The following CLDN15 variants were observed in gnomAD, a reference collection of about 807,000 sequenced individuals.
CLDN15 encodes claudin 15, also known as claudin-15.
A neutral mutation model predicts 24.5 loss-of-function variants in CLDN15; 9 were observed. That is an observed-to-expected ratio of 0.37 (90% CI 0.22 to 0.64). The LOEUF (loss-of-function observed/expected upper bound fraction) is 0.64, where lower values mean the gene tolerates loss of function less well. Ranked by LOEUF, CLDN15 falls within the 30% of genes least tolerant of loss-of-function variation. The pLI, the probability that CLDN15 is intolerant of heterozygous loss-of-function variation, is 0.63. For missense variants in CLDN15, 248 were observed against 305.9 expected (o/e 0.81, Z 1.41); for synonymous variants, 149 against 131.4 (o/e 1.13, Z -0.92).
Position 101,232,316 on chromosome 7 carries a change from CCGG to C in CLDN15, c.*91_*93del, listed in dbSNP as rs1168028090. 8.1e-5 allele frequency: 70 copies of C among 869,476 alleles called. No homozygotes were observed. In the Middle Eastern group the frequency reaches 1.7e-3, roughly 21 times the overall value. The allele number at this position is 869,476 out of a possible 1,614,324, so 53.9% of individuals were successfully genotyped here. ...GCGGGGCTACGGGAGCGGGGCGTGG[CCGG>C]CCCCTGAGGTTACTATAGGGGAATG... On this transcript the variant is annotated 3_prime_UTR_variant, in exon 5 of 5. Transcript: ENST00000308344.
chr7:101,235,251 A>G (rs1306775438), intron 1 of CLDN15, among the ~76,000 whole-genome samples: 1 of 152,206 alleles, frequency 6.6e-6, no homozygotes, highest in African/African-American at 2.4e-5. Flanking sequence ...GGTGCTGTAC[A>G]GCAGAGGGCC....
At chr7:101,232,741 G>C (rs1303387585) in intron 3 of CLDN15, 21 bp from the exon 4 acceptor site, 2 of 1,589,240 alleles carry the variant, frequency 1.3e-6, no homozygotes, top group South Asian at 2.2e-5. Flanking sequence ...GGGCGGCGCG[G>C]GGGCGGGGGA....
chr7:101,234,270 C>G lies in CLDN15; in HGVS notation c.382+8G>C. ...GGGACCCCCGCCCCATCACCTTCCCCCAGTTACCGGCCAGAATGTGGAGGG... is the reference window on the plus strand; with the variant it reads ...GGGACCCCCGCCCCATCACCTTCCCGCAGTTACCGGCCAGAATGTGGAGGG... On this transcript the variant is annotated splice_region_variant and intron_variant, in intron 2 of 4. Transcript: ENST00000308344. 6.2e-7 allele frequency: 1 copy of G among 1,600,620 alleles called. No homozygotes were observed. Among genetic ancestry groups the G allele is most frequent in the Non-Finnish European group, 8.5e-7 (1 of 1,175,014 alleles).
rs1442741647 is a variant in CLDN15 at position 101,232,230 on chromosome 7, C to G, written c.*180G>C. ...CCTCAGAGGGGAGATATGCGACTTC[C>G]CAAGAGCAGTTCTTGGCCTGGAGGG... On this transcript the variant is annotated 3_prime_UTR_variant, in exon 5 of 5. Transcript: ENST00000308344. The G allele has an allele frequency of 1.7e-6, 1 of 574,222 alleles. No individual in the cohort carries two copies. The highest frequency in any genetic ancestry group is 1.9e-5 in the African/African-American group (1 of 52,304). The allele number at this position is 574,222 out of a possible 1,614,324, so 35.6% of individuals were successfully genotyped here.
intron 1 of CLDN15, among the ~76,000 whole-genome samples, chr7:101,235,755 T>C (rs1798608798): frequency 6.6e-6 from 1 of 151,830 alleles, no homozygotes; most frequent in Non-Finnish European, 1.5e-5. Flanking sequence ...CCTCTGGGGC[T>C]GACACGAGTC....
At position 101,237,598 on chromosome 7, in the gene CLDN15, C is replaced by G; in HGVS notation, c.-17G>C. ...CATCGACATGGTGGGATGCAGGACC[C>G]TGGGGGGCTGGTGCCCCAGAGAGGG... On this transcript the variant is annotated 5_prime_UTR_variant, in exon 1 of 5. Coordinates refer to ENST00000308344, the MANE Select transcript of CLDN15 (RefSeq NM_014343.3). This position sits in a 1 kb window ranked among gnomAD's most constrained non-coding sequence, Gnocchi z 4.0. 8.8e-6 allele frequency: 14 copies of G among 1,599,084 alleles called. No homozygotes were observed. Among genetic ancestry groups the G allele is most frequent in the Non-Finnish European group, 1.2e-5 (14 of 1,166,844 alleles).
chr7:101,238,700 T>C (rs953128932), upstream of CLDN15: 1 of 152,312 alleles, frequency 6.6e-6, no homozygotes, highest in East Asian at 1.9e-4. Context: ...GCCAACAGCC[T>C]GGAGCGTGAT....
chr7:101,238,801 C>G (rs752825534), upstream of CLDN15: 1 of 152,444 alleles, frequency 6.6e-6, no homozygotes, highest in South Asian at 2.1e-4. Context: ...GCCTCTGGTC[C>G]CCATCCCGAG....
Position 101,235,129 on chromosome 7 carries a change from C to T in CLDN15, c.218-687G>A, listed in dbSNP as rs114666091. Among the ~76,000 whole-genome samples the T allele has an allele frequency of 2.8e-3, 430 of 152,340 alleles. 3 individuals carry two copies. Among genetic ancestry groups the T allele is most frequent in the African/African-American group, 9.6e-3 (401 of 41,584 alleles). On this transcript the variant is annotated intron_variant, in intron 1 of 4. Transcript: ENST00000308344. Reference sequence around the variant, plus strand: ...TGGGTATACAGAAACCACAGCTAAGCATCGCTGTCGCCTTCCCCACGTCTG... The same window carrying T: ...TGGGTATACAGAAACCACAGCTAAGTATCGCTGTCGCCTTCCCCACGTCTG...
At chr7:101,234,033 A>G in intron 2 of CLDN15, 2 of 686,162 alleles carry the variant, frequency 2.9e-6, no homozygotes, top group Non-Finnish European at 5.3e-6. Flanking sequence ...CTTATCTTCG[A>G]AGTCCCTCCC....
At chr7:101,237,818 G>A (rs779632413), upstream of CLDN15, 38 of 565,382 alleles carry the variant, frequency 6.7e-5, no homozygotes, top group Non-Finnish European at 1.1e-4. The surrounding 1 kb of genome is among the most constrained non-coding windows in gnomAD (Gnocchi z 4.0). Flanking sequence ...AAGCCTGCGC[G>A]CGGCAGCTGT....
chr7:101,232,730 A>G lies in CLDN15; in HGVS notation c.465-10T>C. The stretch of plus-strand genomic sequence containing the variant: ...GGGGCCCAGCTCGTACCTGCGCACA[A>G]GGGCGGCGCGGGGGCGGGGGACAAG... On this transcript the variant is annotated splice_polypyrimidine_tract_variant and intron_variant, in intron 3 of 4. Coordinates refer to ENST00000308344, the MANE Select transcript of CLDN15 (RefSeq NM_014343.3). 6.3e-7 allele frequency: 1 copy of G among 1,589,242 alleles called. No individual in the cohort carries two copies. Among genetic ancestry groups the G allele is most frequent in the South Asian group, 1.1e-5 (1 of 89,078 alleles).
At chr7:101,234,018 TCA>T in intron 2 of CLDN15, 1 of 671,248 alleles carries the variant, frequency 1.5e-6, no homozygotes, top group Admixed American at 2.0e-5. Flanking sequence ...AGGCAGCCGC[TCA>T]CTCTTATCTT....
At chr7:101,232,959 A>C in intron 2 of CLDN15, 45 bp from the exon 3 acceptor site, 11 of 698,720 alleles carry the variant, frequency 1.6e-5, no homozygotes, top group Non-Finnish European at 2.5e-5. Flanking sequence ...GGGGAGGGAT[A>C]GTGGGGGAGG....
Position 101,232,818 on chromosome 7 carries a change from G to T in CLDN15, c.464+15C>A. The T allele has an allele frequency of 6.2e-7, 1 of 1,605,454 alleles. No individual in the cohort carries two copies. The highest frequency in any genetic ancestry group is 8.5e-7 in the Non-Finnish European group (1 of 1,172,648). ...GCTGCCCCGAGGGCGGGGGGTGGGGGGTTTCCTCACTCACTTGGTTCCGGG... is the reference window on the plus strand; with the variant it reads ...GCTGCCCCGAGGGCGGGGGGTGGGGTGTTTCCTCACTCACTTGGTTCCGGG... On this transcript the variant is annotated intron_variant, in intron 3 of 4. Coordinates refer to ENST00000308344, the MANE Select transcript of CLDN15 (RefSeq NM_014343.3).
In CLDN15 at chr7:101,232,122, A is replaced by C; in HGVS notation, c.*288T>G. 1 of 311,242 alleles carries C rather than the reference A, an allele frequency of 3.2e-6. No homozygotes were observed. 19.3% of individuals were successfully genotyped at this position (311,242 alleles called of 1,614,324 possible). ...GGTCACAATATGCATTTATTAATGA[A>C]TGTATTTATACACAATACAAACGTG... On this transcript the variant is annotated 3_prime_UTR_variant, in exon 5 of 5. Transcript: ENST00000308344.
chr7:101,235,733 T>G (rs911693442), intron 1 of CLDN15, among the ~76,000 whole-genome samples: 2 of 152,116 alleles, frequency 1.3e-5, no homozygotes, highest in East Asian at 3.9e-4. Flanking sequence ...ACTTTCTTCC[T>G]CCCAGCCACT....
rs183990374 is a variant in CLDN15 at position 101,232,397 on chromosome 7, C to T, written c.*13G>A. On this transcript the variant is annotated 3_prime_UTR_variant, in exon 5 of 5. Transcript: ENST00000308344. ...GGCAGTGGGAAGACAGCGGGGCCCA[C>T]GGGCCAGAGCTGCTACACGTAGGCG... 3.3e-3 allele frequency: 5,222 copies of T among 1,584,806 alleles called. 10 individuals carry two copies. The highest frequency in any genetic ancestry group is 4.0e-3 in the Non-Finnish European group (4,656 of 1,155,106).
At chr7:101,236,627 G>T in intron 1 of CLDN15, 1 of 700,856 alleles carries the variant, frequency 1.4e-6, no homozygotes. Flanking sequence ...CCTCATCTTA[G>T]CGGGGAGCAG....
Sources: allele counts gnomAD v4.1 joint callset (sites outside exome capture counted in the v4.1 genomes callset), GRCh38; gene constraint gnomAD v4.1.1; non-coding constraint Gnocchi (gnomAD v3.1); transcripts MANE v1.5; gene names NCBI Gene and HGNC (gene_info 2026-07-23, HGNC 2026-07-21).